COL24A1: variants seen among roughly 807,000 people sequenced by gnomAD.
COL24A1 encodes collagen alpha-1(XXIV) chain.
A neutral mutation model predicts 253.9 loss-of-function variants in COL24A1; 224 were observed. The ratio of observed to expected loss-of-function variants is 0.88; its 90% CI spans 0.79 to 0.99. The LOEUF (loss-of-function observed/expected upper bound fraction) is 0.99. COL24A1 is among the 50% of genes least tolerant of loss of function. The pLI is 0.00. For synonymous variants in COL24A1, 685 were observed against 673.7 expected (o/e 1.02, Z -0.26); for missense variants, 2,131 against 2,068.5 (o/e 1.03, Z -0.59).
At chr1:86,148,189 TTTTTGC>T (rs201079954) in intron 1 of COL24A1, among the ~76,000 whole-genome samples, 12,475 of 151,960 alleles carry the variant, frequency 0.082, 610 homozygotes, top group East Asian at 0.22. Context: ...TTTGTTTTTG[TTTTTGC>T]TTTCTTGAGA....
intron 24 of COL24A1, among the ~76,000 whole-genome samples, chr1:85,926,280 A>T (rs1257450890): frequency 1.3e-5 from 2 of 152,238 alleles, no homozygotes; most frequent in Non-Finnish European, 2.9e-5. Context: ...TTCCTCAAGG[A>T]TCTAGAACTA....
chr1:85,983,313 G>A (rs1159683692), intron 20 of COL24A1, among the ~76,000 whole-genome samples: 3 of 151,956 alleles, frequency 2.0e-5, no homozygotes, highest in Non-Finnish European at 4.4e-5. Flanking sequence ...ATTCTTGAAA[G>A]CGGATTCCCA....
At chr1:86,038,236 A>G (rs1699182369) in intron 12 of COL24A1, among the ~76,000 whole-genome samples, 1 of 152,188 alleles carries the variant, frequency 6.6e-6, no homozygotes. Context: ...AATAAATCAT[A>G]ATAGAAAGAA....
At chr1:85,833,174 GAACAGGC>G in intron 43 of COL24A1, among the ~76,000 whole-genome samples, 1 of 152,080 alleles carries the variant, frequency 6.6e-6, no homozygotes, top group Non-Finnish European at 1.5e-5. Context: ...TTCTCAGAGT[GAACAGGC>G]AACCTACAAA....
intron 29 of COL24A1, 48 bp from the exon 30 acceptor site, chr1:85,896,113 G>A (rs750398343): frequency 2.5e-6 from 4 of 1,571,576 alleles, no homozygotes; most frequent in Non-Finnish European, 3.5e-6. Flanking sequence ...GTGAATTATG[G>A]TCTTACTATG....
intron 5 of COL24A1, among the ~76,000 whole-genome samples, chr1:86,102,111 T>A (rs1300761158): frequency 2.6e-5 from 4 of 152,092 alleles, no homozygotes; most frequent in African/African-American, 4.8e-5. Flanking sequence ...CTGGGTTCAT[T>A]CTTGGGAAAG....
intron 24 of COL24A1, among the ~76,000 whole-genome samples, chr1:85,919,126 C>T (rs921732055): frequency 2.6e-5 from 4 of 152,016 alleles, no homozygotes; most frequent in South Asian, 2.1e-4. Context: ...CCTGAGTCTC[C>T]GAATGCAGAT....
At chr1:86,141,663 C>A (rs1242980380) in intron 2 of COL24A1, among the ~76,000 whole-genome samples, 2 of 152,062 alleles carry the variant, frequency 1.3e-5, no homozygotes, top group Non-Finnish European at 2.9e-5. Flanking sequence ...AACTAGCCTA[C>A]CCATGCAAAC....
intron 55 of COL24A1, among the ~76,000 whole-genome samples, chr1:85,748,346 G>C (rs776835706): frequency 6.6e-6 from 1 of 152,202 alleles, no homozygotes; most frequent in Non-Finnish European, 1.5e-5. Flanking sequence ...ACTACAGTGT[G>C]CACTATATGT....
intron 58 of COL24A1, among the ~76,000 whole-genome samples, chr1:85,736,831 T>A (rs1421090933): frequency 1.3e-5 from 2 of 152,182 alleles, no homozygotes; most frequent in Middle Eastern, 3.2e-3. Context: ...TTATAAATAT[T>A]TGTTATAACT....
intron 7 of COL24A1, among the ~76,000 whole-genome samples, chr1:86,076,195 G>T (rs997311491): frequency 1.3e-5 from 2 of 152,140 alleles, no homozygotes; most frequent in Non-Finnish European, 2.9e-5. Flanking sequence ...CTTCAGCAAA[G>T]TCTCAGGATA....
In COL24A1 at chr1:86,065,803, C is replaced by A. The variant is rs114689284; in HGVS notation, c.1708-2044G>T. Among the ~76,000 whole-genome samples the A allele has an allele frequency of 6.7e-3, 989 of 148,346 alleles. 5 individuals carry two copies. Among genetic ancestry groups the A allele is most frequent in the Non-Finnish European group, 0.011 (716 of 67,226 alleles). On this transcript the variant is annotated intron_variant, in intron 7 of 59. Coordinates refer to ENST00000370571, the MANE Select transcript of COL24A1 (RefSeq NM_152890.7). ...AGAGACAAGCTGGGCCAATAAAAAT[C>A]TCTTTTTTAAAAAAATGAAGTTGAT...
At position 85,935,243 on chromosome 1, in the gene COL24A1, G is replaced by A. The variant is rs144520912; in HGVS notation, c.2563-23810C>T. Among the ~76,000 whole-genome samples, 564 of 119,640 alleles carry A rather than the reference G, an allele frequency of 4.7e-3. 39 individuals carry two copies. Among genetic ancestry groups the A allele is most frequent in the African/African-American group, 0.016 (546 of 33,720 alleles). 78.5% of individuals were successfully genotyped at this position (119,640 alleles called of 152,430 possible). A position where few individuals can be genotyped will look rare whatever the true frequency, so the allele number is the denominator to read the frequency against. ...CCAAAGAGAATATGTAGAACAAAAA[G>A]AGGAAAAGGCTACGAACAATAACAT... On this transcript the variant is annotated intron_variant, in intron 24 of 59. Transcript: ENST00000370571.
At chr1:85,945,000 GTGTTTTTTTTTTTT>G (rs1260461388) in intron 24 of COL24A1, among the ~76,000 whole-genome samples, 13 of 36,124 alleles carry the variant, frequency 3.6e-4, no homozygotes, top group African/African-American at 1.1e-3. Flanking sequence ...GTCTATCATT[GTGTTTTTTTTTTTT>G]TTTTTTTTTT....
At chr1:85,814,469 G>C (rs1268242302) in intron 47 of COL24A1, among the ~76,000 whole-genome samples, 1 of 152,168 alleles carries the variant, frequency 6.6e-6, no homozygotes, top group Non-Finnish European at 1.5e-5. Flanking sequence ...ATGTAGAGTT[G>C]TTAGAAAACG....
chr1:85,875,204 A>G, intron 34 of COL24A1, 73 bp downstream of exon 34: 5 of 1,288,686 alleles, frequency 3.9e-6, no homozygotes, highest in Non-Finnish European at 5.6e-6. Context: ...AATATAGGGG[A>G]TTCAATGGTA....
intron 25 of COL24A1, among the ~76,000 whole-genome samples, chr1:85,910,429 C>T (rs1174697226): frequency 2.0e-5 from 3 of 151,734 alleles, no homozygotes; most frequent in Admixed American, 1.3e-4. Flanking sequence ...TTATAGTCTG[C>T]CTACCACAAT....
At chr1:85,761,268 G>C (rs1666818776) in intron 55 of COL24A1, 128 bp downstream of exon 55, 2 of 1,001,084 alleles carry the variant, frequency 2.0e-6, no homozygotes, top group Admixed American at 2.4e-5. Flanking sequence ...CCCTGTATCA[G>C]GTTAGCAAAA....
At chr1:85,879,671 T>C (rs913894891) in intron 32 of COL24A1, among the ~76,000 whole-genome samples, 3 of 152,224 alleles carry the variant, frequency 2.0e-5, no homozygotes, top group African/African-American at 4.8e-5. Flanking sequence ...TATTGTATAC[T>C]GTATTTTAAA....
Sources: gnomAD v4.1 joint callset for allele counts (sites outside exome capture counted in the v4.1 genomes callset) on GRCh38, gnomAD v4.1.1 for gene constraint, MANE v1.5 for transcripts, NCBI Gene and HGNC (gene_info 2026-07-23, HGNC 2026-07-21) for gene names.